The following CRTC3 variants were observed in gnomAD, a reference collection of about 807,000 sequenced individuals.
CRTC3 encodes CREB-regulated transcription coactivator 3.
In CRTC3, 26 loss-of-function variants were observed where a neutral mutation model predicts 74.5. The observed-to-expected ratio is 0.35, with a 90% CI of 0.26 to 0.48. The LOEUF is 0.48. CRTC3 is among the 20% of genes least tolerant of loss of function. The pLI, the probability that CRTC3 is intolerant of heterozygous loss-of-function variation, is 0.99. For synonymous variants in CRTC3, 377 were observed against 325.8 expected (o/e 1.16, Z -1.69); for missense variants, 760 against 787.3 (o/e 0.97, Z 0.41).
chr15:90,544,928 A>G (rs1216070734), intron 2 of CRTC3, among the ~76,000 whole-genome samples: 3 of 152,250 alleles, frequency 2.0e-5, no homozygotes, highest in East Asian at 1.9e-4. Flanking sequence ...ACATACATTC[A>G]TATTGTGCAA....
At chr15:90,614,824 G>T (rs1443082901) in intron 7 of CRTC3, among the ~76,000 whole-genome samples, 2 of 152,140 alleles carry the variant, frequency 1.3e-5, no homozygotes, top group African/African-American at 4.8e-5. Flanking sequence ...AGCACTTTGG[G>T]AGGCTGAGGT....
chr15:90,531,653 G>A (rs1966628889), intron 1 of CRTC3, among the ~76,000 whole-genome samples: 1 of 152,178 alleles, frequency 6.6e-6, no homozygotes, highest in Non-Finnish European at 1.5e-5. Context: ...ATTTACATCT[G>A]TGACCTTGGT....
chr15:90,588,040 G>A (rs1172365828), intron 2 of CRTC3, among the ~76,000 whole-genome samples: 1 of 151,750 alleles, frequency 6.6e-6, no homozygotes, highest in Non-Finnish European at 1.5e-5. Context: ...TTGAGGCCAG[G>A]AGATCGAGAT....
At chr15:90,602,092 G>A (rs972773477) in intron 3 of CRTC3, among the ~76,000 whole-genome samples, 1 of 151,978 alleles carries the variant, frequency 6.6e-6, no homozygotes, top group Non-Finnish European at 1.5e-5. Context: ...TTGCCGGACA[G>A]GCAAAAAATA....
At chr15:90,547,009 A>C (rs1183969398) in intron 2 of CRTC3, among the ~76,000 whole-genome samples, 1 of 152,268 alleles carries the variant, frequency 6.6e-6, no homozygotes, top group African/African-American at 2.4e-5. Context: ...GGAGTCTTCC[A>C]CGAAGAAGAC....
intron 2 of CRTC3, among the ~76,000 whole-genome samples, chr15:90,546,552 T>C (rs1433755518): frequency 6.6e-6 from 1 of 152,234 alleles, no homozygotes; most frequent in African/African-American, 2.4e-5. Context: ...GTTTTGCTTA[T>C]TTTCATTCCT....
intron 3 of CRTC3, chr15:90,598,439 A>G: frequency 1.4e-6 from 1 of 703,012 alleles, no homozygotes; most frequent in South Asian, 1.5e-5. Context: ...GTTCCCTCTA[A>G]CACTCCACAG....
chr15:90,616,475 G>A (rs1229301424), intron 7 of CRTC3, among the ~76,000 whole-genome samples: 1 of 152,212 alleles, frequency 6.6e-6, no homozygotes, highest in African/African-American at 2.4e-5. Flanking sequence ...CCTGTGTCAT[G>A]TGACTTCTTT....
In CRTC3 at chr15:90,642,224, C is replaced by T. The variant is rs1445715388; in HGVS notation, c.*84C>T. On this transcript the variant is annotated 3_prime_UTR_variant, in exon 15 of 15. Transcript: ENST00000268184. ...GAATGAAGCCAGCTGATACCACGGG[C>T]TTTCGTTATCTTGACATAGAAGGAA... The T allele has an allele frequency of 8.8e-7, 1 of 1,135,282 alleles. No individual in the cohort carries two copies. The highest frequency in any genetic ancestry group is 1.5e-5 in the African/African-American group (1 of 65,696). The allele number at this position is 1,135,282 out of a possible 1,614,324, so 70.3% of individuals were successfully genotyped here. A position where few individuals can be genotyped will look rare whatever the true frequency, so the allele number is the denominator to read the frequency against.
intron 2 of CRTC3, among the ~76,000 whole-genome samples, chr15:90,561,199 AGTT>A (rs1967004511): frequency 1.3e-5 from 2 of 152,210 alleles, no homozygotes; most frequent in African/African-American, 4.8e-5. Context: ...TGCCCAGCAC[AGTT>A]GTTGTTCAAT....
chr15:90,611,870 A>C (rs1003177923), intron 6 of CRTC3, among the ~76,000 whole-genome samples: 1 of 151,950 alleles, frequency 6.6e-6, no homozygotes, highest in Non-Finnish European at 1.5e-5. Flanking sequence ...AACTCTGATC[A>C]TGTCACTTCT....
At chr15:90,588,851 C>T (rs976831217) in intron 2 of CRTC3, among the ~76,000 whole-genome samples, 4 of 152,122 alleles carry the variant, frequency 2.6e-5, no homozygotes, top group African/African-American at 4.8e-5. Context: ...TTCCAATGTC[C>T]GGGTATCCCT....
intron 5 of CRTC3, among the ~76,000 whole-genome samples, chr15:90,606,140 C>G (rs1968214173): frequency 6.6e-6 from 1 of 151,934 alleles, no homozygotes; most frequent in Non-Finnish European, 1.5e-5. Flanking sequence ...CCTGTAATCC[C>G]AGCTACTTGA....
intron 2 of CRTC3, among the ~76,000 whole-genome samples, chr15:90,570,687 C>T (rs1294554512): frequency 1.3e-5 from 2 of 151,982 alleles, no homozygotes; most frequent in Admixed American, 6.6e-5. Flanking sequence ...ACCTGAGGTC[C>T]GGATAACAGT....
chr15:90,575,794 T>C (rs1323872221), intron 2 of CRTC3, among the ~76,000 whole-genome samples: 1 of 152,230 alleles, frequency 6.6e-6, no homozygotes, highest in Non-Finnish European at 1.5e-5. Flanking sequence ...TTCTAGGCTA[T>C]TCTTGCATGT....
chr15:90,623,277 C>A (rs2151089884), intron 9 of CRTC3, among the ~76,000 whole-genome samples: 1 of 152,318 alleles, frequency 6.6e-6, no homozygotes. Flanking sequence ...CCCACCATGC[C>A]CTGGCTGCCA....
intron 6 of CRTC3, among the ~76,000 whole-genome samples, chr15:90,608,028 G>A (rs1968269006): frequency 6.6e-6 from 1 of 152,166 alleles, no homozygotes; most frequent in African/African-American, 2.4e-5. Context: ...CCTGGGAGGA[G>A]GGGTCAGGCA....
chr15:90,606,498 G>A (rs1311177555), intron 5 of CRTC3, among the ~76,000 whole-genome samples: 7 of 152,042 alleles, frequency 4.6e-5, no homozygotes, highest in African/African-American at 1.2e-4. Flanking sequence ...GGAGGCAGAT[G>A]TTGCAGTGAG....
chr15:90,533,986 A>G (rs1484155814), intron 1 of CRTC3, among the ~76,000 whole-genome samples: 1 of 152,150 alleles, frequency 6.6e-6, no homozygotes, highest in Non-Finnish European at 1.5e-5. Flanking sequence ...ATCAGGTTGT[A>G]GAGACAGGAT....
Sources: allele counts gnomAD v4.1 joint callset (sites outside exome capture counted in the v4.1 genomes callset), GRCh38; gene constraint gnomAD v4.1.1; transcripts MANE v1.5; gene names NCBI Gene and HGNC (gene_info 2026-07-23, HGNC 2026-07-21).